KIRREL3: variants seen among roughly 807,000 people sequenced by gnomAD.
KIRREL3 encodes kirre like nephrin family adhesion molecule 3.
Under a neutral mutation model 89.7 loss-of-function variants are expected in KIRREL3, and 36 were observed. The observed-to-expected ratio is 0.40, with a 90% CI of 0.31 to 0.53. The LOEUF (loss-of-function observed/expected upper bound fraction) is 0.53. KIRREL3 is among the 20% of genes least tolerant of loss of function. KIRREL3 has a pLI of 0.49. For missense variants in KIRREL3, 864 were observed against 1,056.6 expected, an observed-to-expected ratio of 0.82 and a Z score of 2.53; for synonymous variants, 445 against 441.4, an observed-to-expected ratio of 1.01 and a Z score of -0.10.
At position 126,474,088 on chromosome 11, in the gene KIRREL3, C is replaced by A. The variant is rs1957001061; in HGVS notation, c.434-622G>T. On this transcript the variant is annotated intron_variant, in intron 4 of 16. Coordinates refer to ENST00000525144, the MANE Select transcript of KIRREL3 (RefSeq NM_032531.4). This position sits in a 1 kb window ranked among gnomAD's most constrained non-coding sequence, Gnocchi z 6.7. ...AAAGTGCTAGGATTACAGGCCTGAG[C>A]CACCATGCCCGGCCAACACCTGGTT... Among the ~76,000 whole-genome samples the A allele has an allele frequency of 6.6e-6, 1 of 151,436 alleles. No homozygotes were observed. The highest frequency in any genetic ancestry group is 2.1e-4 in the South Asian group (1 of 4,796).
chr11:126,831,435 TTCTC>T (rs5795530), intron 1 of KIRREL3, among the ~76,000 whole-genome samples: 9 of 150,024 alleles, frequency 6.0e-5, no homozygotes, highest in Non-Finnish European at 1.0e-4. Flanking sequence ...CTCTCTCTCT[TTCTC>T]TCTCTCTCTC....
Position 126,976,128 on chromosome 11 carries a change from A to C in KIRREL3, c.55+24327T>G, listed in dbSNP as rs1412496896. Reference sequence around the variant, plus strand: ...CTTTCTACAGAGGATGCTGAGAAGCACATTATTTGTCACCATGCCACATTG... The same window carrying C: ...CTTTCTACAGAGGATGCTGAGAAGCCCATTATTTGTCACCATGCCACATTG... On this transcript the variant is annotated intron_variant, in intron 1 of 16. Coordinates refer to ENST00000525144, the MANE Select transcript of KIRREL3 (RefSeq NM_032531.4). The surrounding 1 kb of genome is among the most constrained non-coding windows in gnomAD (Gnocchi z 4.2). Among the ~76,000 whole-genome samples the C allele has an allele frequency of 4.6e-5, 7 of 152,002 alleles. No homozygotes were observed.
At chr11:126,982,963 A>T (rs2063968814) in intron 1 of KIRREL3, among the ~76,000 whole-genome samples, 1 of 152,240 alleles carries the variant, frequency 6.6e-6, no homozygotes, top group South Asian at 2.1e-4. Flanking sequence ...TAACTACAGC[A>T]TCTAATAGAT....
rs937385980 is a variant in KIRREL3, at chr11:126,513,936, C to T, written c.433+7379G>A. Among the ~76,000 whole-genome samples the T allele has an allele frequency of 1.3e-5, 2 of 152,086 alleles. No homozygotes were observed. Among genetic ancestry groups the T allele is most frequent in the Non-Finnish European group, 2.9e-5 (2 of 68,022 alleles). ...GAGACTATATGTCAGCCTCAGATAC[C>T]CTTCATGGCCCCCAGCTCTGCTCAC... is the stretch of plus-strand genomic sequence containing the variant. On this transcript the variant is annotated intron_variant, in intron 4 of 16. Transcript: ENST00000525144. This position sits in a 1 kb window ranked among gnomAD's most constrained non-coding sequence, Gnocchi z 5.9.
rs1946655598 is a variant in KIRREL3 at position 126,686,124 on chromosome 11, C to T, written c.56-123212G>A. ...CCCCGAGTCCATCAGCAGCTCCTTC[C>T]CTGTGGTCCGAGTTACTGGCAGGGT... On this transcript the variant is annotated intron_variant, in intron 1 of 16. Transcript: ENST00000525144. The surrounding 1 kb of genome is among the most constrained non-coding windows in gnomAD (Gnocchi z 4.7). Among the ~76,000 whole-genome samples, 1 of 152,138 alleles carries T rather than the reference C, an allele frequency of 6.6e-6. No homozygotes were observed. Among genetic ancestry groups the T allele is most frequent in the African/African-American group, 2.4e-5 (1 of 41,442 alleles).
chr11:126,440,919 C>A (rs1190392032), intron 10 of KIRREL3: 1 of 296,222 alleles, frequency 3.4e-6, no homozygotes, highest in Non-Finnish European at 6.4e-6. Context: ...GGTGGTAAGC[C>A]TGCAGAGGGG....
rs1001046311 is a variant in KIRREL3 at position 126,782,847 on chromosome 11, A to G, written c.55+217608T>C. Among the ~76,000 whole-genome samples, 4 of 152,210 alleles carry G rather than the reference A, an allele frequency of 2.6e-5. No individual in the cohort carries two copies. Among genetic ancestry groups the G allele is most frequent in the Non-Finnish European group, 5.9e-5 (4 of 68,026 alleles). Reference sequence around the variant, plus strand: ...CCAGCTATATCTCCTGAGAAAGCCTACTAGCAACAACATTACAGTAGCAAC... The same window carrying G: ...CCAGCTATATCTCCTGAGAAAGCCTGCTAGCAACAACATTACAGTAGCAAC... On this transcript the variant is annotated intron_variant, in intron 1 of 16. Coordinates refer to ENST00000525144, the MANE Select transcript of KIRREL3 (RefSeq NM_032531.4). This position sits in a 1 kb window ranked among gnomAD's most constrained non-coding sequence, Gnocchi z 4.1.
Position 126,829,887 on chromosome 11 carries a change from T to C in KIRREL3, c.55+170568A>G, listed in dbSNP as rs1039912262. ...ATGTAGAGGGAGGTTTTCAGAAGACTGGATTTGCCAAGAAAGGCTGTTGGG... is the reference window on the plus strand; with the variant it reads ...ATGTAGAGGGAGGTTTTCAGAAGACCGGATTTGCCAAGAAAGGCTGTTGGG... On this transcript the variant is annotated intron_variant, in intron 1 of 16. Coordinates refer to ENST00000525144, the MANE Select transcript of KIRREL3 (RefSeq NM_032531.4). 2.0e-5 allele frequency among the ~76,000 whole-genome samples: 3 copies of C among 152,184 alleles called. No individual in the cohort carries two copies. The East Asian group carries it at 5.8e-4, about 29-fold the overall frequency.
chr11:126,449,390 CCAGG>C (rs1459671847), intron 7 of KIRREL3, among the ~76,000 whole-genome samples: 1 of 152,174 alleles, frequency 6.6e-6, no homozygotes. Context: ...TTTGTGGTCA[CCAGG>C]CAGTCAGTGG....
In KIRREL3 at chr11:126,683,959, C is replaced by T. The variant is rs983620108; in HGVS notation, c.56-121047G>A. Among the ~76,000 whole-genome samples, 4 of 152,240 alleles carry T rather than the reference C, an allele frequency of 2.6e-5. No individual in the cohort carries two copies. Among genetic ancestry groups the T allele is most frequent in the Non-Finnish European group, 4.4e-5 (3 of 68,050 alleles). On this transcript the variant is annotated intron_variant, in intron 1 of 16. Transcript: ENST00000525144. The surrounding 1 kb of genome is among the most constrained non-coding windows in gnomAD (Gnocchi z 5.2). ...TCGTGGGCTGTGGCCTCAGAGGTCC[C>T]TTACAGGGTGGTGGGACCCAGGGCC...
At chr11:126,746,348 A>G (rs559329202) in intron 1 of KIRREL3, among the ~76,000 whole-genome samples, 1 of 152,280 alleles carries the variant, frequency 6.6e-6, no homozygotes, top group African/African-American at 2.4e-5. Flanking sequence ...GGTGTCATGG[A>G]AGTGCAGAGG....
At chr11:126,529,270 A>G (rs1958865207) in intron 2 of KIRREL3, among the ~76,000 whole-genome samples, 1 of 152,160 alleles carries the variant, frequency 6.6e-6, no homozygotes. Flanking sequence ...GGAGGGGGCT[A>G]TCACCATGGA....
chr11:126,743,170 CAAACAAAA>C lies in KIRREL3; in HGVS notation c.56-180266_56-180259del, dbSNP rs913544812. ...AGTAGTTGGCAAACAAACAAACAAA[CAAACAAAA>C]AAAACAGCACAAAGAGATGACTTGG... On this transcript the variant is annotated intron_variant, in intron 1 of 16. Coordinates refer to ENST00000525144, the MANE Select transcript of KIRREL3 (RefSeq NM_032531.4). Among the ~76,000 whole-genome samples, 54 of 152,154 alleles carry C rather than the reference CAAACAAAA, an allele frequency of 3.5e-4. 1 individual carries two copies. The highest frequency in any genetic ancestry group is 2.0e-4 in the Admixed American group (3 of 15,286).
At chr11:126,440,204 A>T in intron 11 of KIRREL3, 1 of 687,262 alleles carries the variant, frequency 1.5e-6, no homozygotes, top group South Asian at 1.5e-5. Context: ...ATTTGGTCAG[A>T]GCCGTTCATG....
rs1943156993 is a variant in KIRREL3, at chr11:126,612,096, C to T, written c.56-49184G>A. Reference sequence around the variant, plus strand: ...CGCAGTTGGGTGTGTATTTGGTAACCTGTCTTCCTCCTGCTGAAATATCAA... The same window carrying T: ...CGCAGTTGGGTGTGTATTTGGTAACTTGTCTTCCTCCTGCTGAAATATCAA... On this transcript the variant is annotated intron_variant, in intron 1 of 16. Coordinates refer to ENST00000525144, the MANE Select transcript of KIRREL3 (RefSeq NM_032531.4). The surrounding 1 kb of genome is among the most constrained non-coding windows in gnomAD (Gnocchi z 4.5). Among the ~76,000 whole-genome samples, 1 of 152,186 alleles carries T rather than the reference C, an allele frequency of 6.6e-6. No homozygotes were observed. The highest frequency in any genetic ancestry group is 2.4e-5 in the African/African-American group (1 of 41,438).
chr11:126,988,767 G>A (rs1008587649), intron 1 of KIRREL3, among the ~76,000 whole-genome samples: 9 of 152,200 alleles, frequency 5.9e-5, no homozygotes, highest in African/African-American at 2.2e-4. Context: ...TGGAATAAGG[G>A]AATGCATGCA....
chr11:126,601,576 A>G lies in KIRREL3; in HGVS notation c.56-38664T>C, dbSNP rs115723148. On this transcript the variant is annotated intron_variant, in intron 1 of 16. Coordinates refer to ENST00000525144, the MANE Select transcript of KIRREL3 (RefSeq NM_032531.4). This position sits in a 1 kb window ranked among gnomAD's most constrained non-coding sequence, Gnocchi z 5.8. Reference sequence around the variant, plus strand: ...AATTATGGGAGATAGATGGCTGTAAACAGAAGTCTTCTACCTCAACACTCC... The same window carrying G: ...AATTATGGGAGATAGATGGCTGTAAGCAGAAGTCTTCTACCTCAACACTCC... Among the ~76,000 whole-genome samples, 1,514 of 152,238 alleles carry G rather than the reference A, an allele frequency of 9.9e-3. 23 individuals are homozygous for G. Among genetic ancestry groups the G allele is most frequent in the African/African-American group, 0.035 (1,446 of 41,534 alleles).
chr11:126,464,903 T>C (rs10790805), intron 5 of KIRREL3, among the ~76,000 whole-genome samples: 97,129 of 152,048 alleles, frequency 0.64, 31,431 homozygotes, highest in East Asian at 0.83. Flanking sequence ...TAACTGCTGG[T>C]CTCCCACCTT....
chr11:126,848,362 A>G (rs1006110232), intron 1 of KIRREL3, among the ~76,000 whole-genome samples: 7 of 152,232 alleles, frequency 4.6e-5, no homozygotes. Context: ...GGAAAATTGG[A>G]GAGAGAAAAA....
Sources: gnomAD v4.1 joint callset for allele counts (sites outside exome capture counted in the v4.1 genomes callset) on GRCh38, gnomAD v4.1.1 for gene constraint, Gnocchi (gnomAD v3.1) non-coding constraint, MANE v1.5 for transcripts, NCBI Gene and HGNC (gene_info 2026-07-23, HGNC 2026-07-21) for gene names.